The following CACNA2D1 variants were observed in gnomAD, a reference collection of about 807,000 sequenced individuals.
CACNA2D1 encodes calcium voltage-gated channel auxiliary subunit alpha2delta 1, also known as voltage-dependent calcium channel subunit alpha-2/delta-1.
In CACNA2D1, 53 loss-of-function variants were observed where a neutral mutation model predicts 171.5. The ratio of observed to expected loss-of-function variants is 0.31; its 90% confidence interval spans 0.25 to 0.39. The LOEUF is 0.39. Among genes scored for constraint, CACNA2D1 ranks in the 10% least tolerant of loss-of-function variants. The pLI is 1.00. For missense variants in CACNA2D1, 903 were observed against 1,299.8 expected (o/e 0.69, Z 4.69); for synonymous variants, 442 against 443.1 (o/e 1.00, Z 0.03).
intron 12 of CACNA2D1, among the ~76,000 whole-genome samples, chr7:82,022,526 A>G (rs1334175215): frequency 6.6e-6 from 1 of 151,872 alleles, no homozygotes; most frequent in Non-Finnish European, 1.5e-5. Context: ...CATTTCCTCC[A>G]AAGGCTTTAC....
intron 3 of CACNA2D1, among the ~76,000 whole-genome samples, chr7:82,234,986 A>G (rs999918910): frequency 6.6e-6 from 1 of 152,150 alleles, no homozygotes; most frequent in Non-Finnish European, 1.5e-5. Flanking sequence ...GCGATTTATC[A>G]CTTGGGAAAT....
intron 7 of CACNA2D1, among the ~76,000 whole-genome samples, chr7:82,084,229 A>G (rs1045591962): frequency 4.6e-5 from 7 of 152,186 alleles, no homozygotes; most frequent in Admixed American, 2.6e-4. Context: ...ATTCATCTTC[A>G]TTGAGTATGT....
At position 82,297,072 on chromosome 7, in the gene CACNA2D1, C is replaced by CAAAAAAAAAAAAA. The variant is rs57473351; in HGVS notation, c.294+38050_294+38062dup. 3.8e-3 allele frequency among the ~76,000 whole-genome samples: 273 copies of CAAAAAAAAAAAAA among 72,198 alleles called. 13 individuals carry two copies. Among genetic ancestry groups the CAAAAAAAAAAAAA allele is most frequent in the Non-Finnish European group, 5.3e-3 (214 of 40,408 alleles). 47.4% of individuals were successfully genotyped at this position (72,198 alleles called of 152,430 possible). A position where few individuals can be genotyped will look rare whatever the true frequency, so the allele number is the denominator to read the frequency against. On this transcript the variant is annotated intron_variant, in intron 3 of 38. Transcript: ENST00000356860. The stretch of plus-strand genomic sequence containing the variant: ...AAACATAGTGAGGCTCTGTGTCTAC[C>CAAAAAAAAAAAAA]AAAAAAAAAAAAAAAAAAAAAAAAA...
chr7:82,318,712 T>G (rs1772213695), intron 3 of CACNA2D1, among the ~76,000 whole-genome samples: 1 of 152,178 alleles, frequency 6.6e-6, no homozygotes, highest in Admixed American at 6.5e-5. Context: ...TAATACATAA[T>G]CTCATTTAGA....
chr7:82,007,897 T>A, intron 15 of CACNA2D1, 141 bp from the exon 16 acceptor site: 1 of 637,854 alleles, frequency 1.6e-6, no homozygotes, highest in South Asian at 1.9e-5. Context: ...ATTTTGAATA[T>A]CTATTAAAAT....
chr7:82,293,292 T>A (rs1241007877), intron 3 of CACNA2D1, among the ~76,000 whole-genome samples: 1 of 152,176 alleles, frequency 6.6e-6, no homozygotes, highest in Admixed American at 6.6e-5. Context: ...GCTTTTGTCT[T>A]TTTTTTCTTT....
chr7:81,960,695 G>A lies in CACNA2D1; in HGVS notation c.2967-866C>T, dbSNP rs1229479984. Among the ~76,000 whole-genome samples, 4 of 149,798 alleles carry A rather than the reference G, an allele frequency of 2.7e-5. 1 individual carries two copies. Among genetic ancestry groups the A allele is most frequent in the South Asian group, 4.3e-4 (2 of 4,680 alleles). On this transcript the variant is annotated intron_variant, in intron 36 of 38. Coordinates refer to ENST00000356860, the MANE Select transcript of CACNA2D1 (RefSeq NM_000722.4). Reference sequence around the variant, plus strand: ...TGCAATTTAACATCTTGGTTATACTGACCTTCTTCACTTTACAATTTAACT... The same window carrying A: ...TGCAATTTAACATCTTGGTTATACTAACCTTCTTCACTTTACAATTTAACT...
At chr7:82,038,691 T>A (rs1803603898) in intron 10 of CACNA2D1, among the ~76,000 whole-genome samples, 1 of 152,194 alleles carries the variant, frequency 6.6e-6, no homozygotes, top group South Asian at 2.1e-4. Context: ...AATCAATGTT[T>A]AGTCATTTTG....
chr7:82,367,253 T>C (rs1821846992), intron 1 of CACNA2D1, among the ~76,000 whole-genome samples: 1 of 152,070 alleles, frequency 6.6e-6, no homozygotes, highest in African/African-American at 2.4e-5. Context: ...CGTGAGATGG[T>C]ATCTCATTGT....
At chr7:82,424,583 G>A (rs1829015161) in intron 1 of CACNA2D1, among the ~76,000 whole-genome samples, 1 of 152,138 alleles carries the variant, frequency 6.6e-6, no homozygotes, top group African/African-American at 2.4e-5. Flanking sequence ...AATTTGGAAG[G>A]ATCATAATCC....
In CACNA2D1 at chr7:82,306,918, A is replaced by C. The variant is rs969073297; in HGVS notation, c.294+28217T>G. On this transcript the variant is annotated intron_variant, in intron 3 of 38. Transcript: ENST00000356860. ...ATAGCCTTAAAATCTCTCTTGGCAA[A>C]AACAACAAAAAGGCAGACAACTGAT... Among the ~76,000 whole-genome samples, 10 of 152,200 alleles carry C rather than the reference A, an allele frequency of 6.6e-5. No individual in the cohort carries two copies. The South Asian group carries it at 8.3e-4, about 13-fold the overall frequency.
chr7:82,107,143 G>A (rs1377029423), intron 6 of CACNA2D1, among the ~76,000 whole-genome samples: 4 of 152,104 alleles, frequency 2.6e-5, no homozygotes, highest in African/African-American at 7.2e-5. Context: ...GGCAGACTTA[G>A]TAGTGTCTAC....
At chr7:82,272,255 G>A (rs1808731540) in intron 3 of CACNA2D1, among the ~76,000 whole-genome samples, 1 of 152,126 alleles carries the variant, frequency 6.6e-6, no homozygotes, top group Non-Finnish European at 1.5e-5. Flanking sequence ...CCTTTATTGA[G>A]GAACTTTTGT....
At chr7:82,055,497 A>G (rs970107364) in intron 10 of CACNA2D1, among the ~76,000 whole-genome samples, 1 of 151,874 alleles carries the variant, frequency 6.6e-6, no homozygotes, top group Non-Finnish European at 1.5e-5. Flanking sequence ...ACAATAGCAA[A>G]GACTTGGAAC....
intron 1 of CACNA2D1, among the ~76,000 whole-genome samples, chr7:82,350,140 G>A (rs1203226620): frequency 6.6e-6 from 1 of 152,130 alleles, no homozygotes; most frequent in Non-Finnish European, 1.5e-5. Context: ...TTGAAAGTAT[G>A]TTATATAAAA....
chr7:82,224,863 C>T (rs1423014257), intron 3 of CACNA2D1, among the ~76,000 whole-genome samples: 1 of 152,096 alleles, frequency 6.6e-6, no homozygotes, highest in African/African-American at 2.4e-5. Context: ...GAATGCCCCA[C>T]TGTTGGAAAA....
At chr7:82,320,511 G>C (rs73164284) in intron 3 of CACNA2D1, among the ~76,000 whole-genome samples, 3,622 of 151,774 alleles carry the variant, frequency 0.024, 46 homozygotes, top group Non-Finnish European at 0.036. Flanking sequence ...TTCTGGGCTC[G>C]AGTGATCTTC....
intron 3 of CACNA2D1, among the ~76,000 whole-genome samples, chr7:82,276,949 T>C (rs948232062): frequency 6.6e-6 from 1 of 151,952 alleles, no homozygotes; most frequent in African/African-American, 2.4e-5. Context: ...GGGTTCACCA[T>C]GTTGGCCAGG....
chr7:82,365,637 G>T (rs1821607077), intron 1 of CACNA2D1, among the ~76,000 whole-genome samples: 1 of 152,224 alleles, frequency 6.6e-6, no homozygotes, highest in Non-Finnish European at 1.5e-5. Flanking sequence ...GCTACATAGA[G>T]AAATGAAGTT....
Sources: allele counts gnomAD v4.1 joint callset (sites outside exome capture counted in the v4.1 genomes callset), GRCh38; gene constraint gnomAD v4.1.1; transcripts MANE v1.5; gene names NCBI Gene and HGNC (gene_info 2026-07-23, HGNC 2026-07-21).